Variants in IFT52 observed in about 807,000 individuals in gnomAD.
IFT52 encodes intraflagellar transport 52, also known as intraflagellar transport protein 52 homolog.
In IFT52, 44 loss-of-function variants were observed where a neutral mutation model predicts 54.4. The observed-to-expected ratio is 0.81, with a 90% CI of 0.63 to 1.04. IFT52 has a LOEUF of 1.04. IFT52 is among the 50% of genes least tolerant of loss of function. IFT52 has a pLI of 0.00. For missense variants in IFT52, 452 were observed against 523.6 expected (o/e 0.86, Z 1.33); for synonymous variants, 181 against 185.3 (o/e 0.98, Z 0.19).
intron 6 of IFT52, among the ~76,000 whole-genome samples, chr20:43,607,287 C>T (rs1175082838): frequency 1.4e-4 from 21 of 148,720 alleles, no homozygotes; most frequent in Non-Finnish European, 2.2e-4. Context: ...CCCTCCCGGA[C>T]GGGGCGGCTG....
At chr20:43,634,510 A>T (rs2145664607) in intron 10 of IFT52, among the ~76,000 whole-genome samples, 1 of 152,334 alleles carries the variant, frequency 6.6e-6, no homozygotes, top group South Asian at 2.1e-4. Context: ...TTTCATTGAA[A>T]TCCCCTTGAA....
intron 3 of IFT52, among the ~76,000 whole-genome samples, chr20:43,599,393 G>A (rs1345782824): frequency 6.6e-6 from 1 of 152,174 alleles, no homozygotes; most frequent in Non-Finnish European, 1.5e-5. Context: ...AGGCATGGTA[G>A]GCTGATGCAT....
chr20:43,631,170 T>TG (rs1985142189), intron 10 of IFT52, among the ~76,000 whole-genome samples: 1 of 152,180 alleles, frequency 6.6e-6, no homozygotes, highest in African/African-American at 2.4e-5. Context: ...CCATATGATT[T>TG]GGGGAAGCTA....
intron 7 of IFT52, among the ~76,000 whole-genome samples, chr20:43,615,619 C>T (rs2903655): frequency 0.77 from 116,262 of 151,632 alleles, 44,816 homozygotes; most frequent in East Asian, 0.8. Flanking sequence ...GCTTGGCCAA[C>T]GTGATGAAAC....
In IFT52 at chr20:43,606,336, T is replaced by C. The variant is rs2145604109; in HGVS notation, c.485+1263T>C. Among the ~76,000 whole-genome samples, 3 of 148,692 alleles carry C rather than the reference T, an allele frequency of 2.0e-5. No individual in the cohort carries two copies. The Middle Eastern group carries it at 0.011, about 535-fold the overall frequency. On this transcript the variant is annotated intron_variant, in intron 6 of 13. Transcript: ENST00000373030. Reference sequence around the variant, plus strand: ...TCACCCAGGCTGGAGTGCAGTGGCATGATCTCAGCTCACTGCAACCTCCGC... The same window carrying C: ...TCACCCAGGCTGGAGTGCAGTGGCACGATCTCAGCTCACTGCAACCTCCGC...
At chr20:43,617,207 A>G (rs1206454542) in intron 7 of IFT52, among the ~76,000 whole-genome samples, 1 of 152,200 alleles carries the variant, frequency 6.6e-6, no homozygotes. Flanking sequence ...ACAACTGGGC[A>G]TAGAATTTTT....
At chr20:43,621,042 A>G (rs2145635623) in intron 9 of IFT52, 117 bp downstream of exon 9, 1 of 710,088 alleles carries the variant, frequency 1.4e-6, no homozygotes, top group East Asian at 2.5e-5. Flanking sequence ...AGACAGATGG[A>G]ACGAAGGAAT....
intron 7 of IFT52, among the ~76,000 whole-genome samples, 198 bp from the exon 8 acceptor site, chr20:43,618,742 C>T (rs1198215965): frequency 6.6e-6 from 1 of 152,082 alleles, no homozygotes; most frequent in Non-Finnish European, 1.5e-5. Context: ...CCTCGGCCTC[C>T]CAAAGTGCTG....
chr20:43,594,123 C>G lies in IFT52; in HGVS notation c.-6-570C>G, dbSNP rs561278122. Among the ~76,000 whole-genome samples the G allele has an allele frequency of 2.0e-3, 310 of 152,112 alleles. 1 individual carries two copies. Among genetic ancestry groups the G allele is most frequent in the Admixed American group, 3.9e-3 (59 of 15,278 alleles). On this transcript the variant is annotated intron_variant, in intron 1 of 13. Transcript: ENST00000373030. ...AGGAGTTTGAGACCAGCCTGACCAA[C>G]ATGGTGAAACCCCGTCTCTACTGAA...
At chr20:43,600,454 A>G (rs759634367) in intron 3 of IFT52, among the ~76,000 whole-genome samples, 10 of 151,962 alleles carry the variant, frequency 6.6e-5, no homozygotes, top group Admixed American at 1.3e-4. Context: ...ACAGGTGCCC[A>G]CCACCACGCC....
intron 3 of IFT52, among the ~76,000 whole-genome samples, chr20:43,603,318 A>G (rs555570922): frequency 1.7e-4 from 26 of 152,346 alleles, no homozygotes; most frequent in African/African-American, 5.8e-4. Context: ...TGGGCAGTCA[A>G]GAGAAGGCAT....
At chr20:43,623,095 T>C (rs1482214485) in intron 9 of IFT52, among the ~76,000 whole-genome samples, 2 of 152,128 alleles carry the variant, frequency 1.3e-5, no homozygotes, top group East Asian at 1.9e-4. Flanking sequence ...GCACATGTTA[T>C]GGTGGGAGCT....
At chr20:43,616,941 A>T (rs1983904839) in intron 7 of IFT52, among the ~76,000 whole-genome samples, 1 of 152,038 alleles carries the variant, frequency 6.6e-6, no homozygotes, top group Admixed American at 6.6e-5. Flanking sequence ...TGAACCCAGG[A>T]GTTCGAGGCT....
chr20:43,591,682 C>A (rs1001731813), intron 1 of IFT52, among the ~76,000 whole-genome samples: 5 of 151,986 alleles, frequency 3.3e-5, no homozygotes, highest in Admixed American at 2.0e-4. Flanking sequence ...AAAATTAATG[C>A]TAATAAGGGA....
chr20:43,634,014 T>A (rs867001307), intron 10 of IFT52, among the ~76,000 whole-genome samples: 15 of 151,822 alleles, frequency 9.9e-5, no homozygotes, highest in East Asian at 9.7e-4. Flanking sequence ...AATTTTTTTT[T>A]AAAAATTAGC....
chr20:43,622,143 C>T (rs1053488301), intron 9 of IFT52, among the ~76,000 whole-genome samples: 1 of 152,126 alleles, frequency 6.6e-6, no homozygotes. Flanking sequence ...AGAAGACAGT[C>T]GAAGATGGCT....
chr20:43,604,980 A>G, intron 5 of IFT52, 22 bp from the exon 6 acceptor site: 1 of 1,611,496 alleles, frequency 6.2e-7, no homozygotes, highest in Non-Finnish European at 8.5e-7. Context: ...TGTTTACTAG[A>G]TTTTAATTTT....
rs1198186069 is a variant in IFT52 at position 43,623,931 on chromosome 20, C to CA, written c.812dup (p.Arg272AlafsTer10). ...ATGCTGCCCTACACAGCCACCCTAT[C>CA]AAAGCGGAATCGAGAGTGTCTCCAG... is the stretch of plus-strand genomic sequence containing the variant. On this transcript the variant is annotated frameshift_variant, in exon 10 of 14. Coordinates refer to ENST00000373030, the MANE Select transcript of IFT52 (RefSeq NM_016004.5). LOFTEE classifies it high-confidence loss of function. 1.2e-6 allele frequency: 2 copies of CA among 1,614,062 alleles called. No homozygotes were observed. The highest frequency in any genetic ancestry group is 1.3e-5 in the African/African-American group (1 of 74,934).
At chr20:43,638,483 G>A (rs755072136) in intron 12 of IFT52, among the ~76,000 whole-genome samples, 4 of 152,076 alleles carry the variant, frequency 2.6e-5, no homozygotes, top group Admixed American at 6.6e-5. Flanking sequence ...GAGCCACCAC[G>A]TCCGGCCAAC....
Sources: gnomAD v4.1 joint callset for allele counts (sites outside exome capture counted in the v4.1 genomes callset) on GRCh38, gnomAD v4.1.1 for gene constraint, MANE v1.5 for transcripts, NCBI Gene and HGNC (gene_info 2026-07-23, HGNC 2026-07-21) for gene names.